The following SLC4A11 variants were observed in gnomAD, a reference collection of about 807,000 sequenced individuals.
SLC4A11 encodes solute carrier family 4 member 11.
In SLC4A11, 74 loss-of-function variants were observed where a neutral mutation model predicts 95.0. The ratio of observed to expected loss-of-function variants is 0.78; its 90% CI spans 0.65 to 0.95. The LOEUF (loss-of-function observed/expected upper bound fraction) is 0.95, where lower values mean the gene tolerates loss of function less well. Ranked by LOEUF, SLC4A11 falls within the 40% of genes least tolerant of loss-of-function variation. SLC4A11 has a pLI of 0.00. For synonymous variants in SLC4A11, 548 were observed against 519.0 expected (o/e 1.06, Z -0.76); for missense variants, 1,081 against 1,192.4 (o/e 0.91, Z 1.38).
chr20:3,229,200 G>T lies in SLC4A11; in HGVS notation c.1913C>A (p.Ser638Tyr). 4 of 1,612,710 alleles carry T rather than the reference G, an allele frequency of 2.5e-6. No homozygotes were observed. The highest frequency in any genetic ancestry group is 3.4e-6 in the Non-Finnish European group (4 of 1,180,014). Residue 638 changes from serine to tyrosine, a missense_variant, in exon 16 of 20, where the codon TCC becomes TAC. By Grantham distance (144) the Ser-to-Tyr change is moderately radical. Around this residue, in one of 3 missense-constraint regions of SLC4A11, gnomAD observed 767 missense variants for 858.0 expected, o/e 0.89. Transcript: ENST00000642402. The part of the protein sequence containing the change: ...PFAMAQIQSL[S>Y]LRAVSGAMGL... ...CATGGCACCGCTGACGGCCCTCAGG[G>T]ACAGCGACTGGATCTGCGCCATCGC...
chr20:3,238,315 GGAGGGGCCGCGTGCAC>G, intron 1 of SLC4A11: 3 of 1,240,684 alleles, frequency 2.4e-6, no homozygotes, highest in Non-Finnish European at 3.0e-6. Flanking sequence ...GGAAGCGACA[GGAGGGGCCGCGTGCAC>G]GAGAGGAAAG....
chr20:3,234,159 G>T lies in SLC4A11; in HGVS notation c.447C>A (p.Asn149Lys). ...GGTCCAGGTTGCAGTTGGGCTCATT[G>T]TTGTCAGGGTCCCTGGCGAAGCGGC... ...MLRRFARDPD[N>K]NEPNCNLDLL... Residue 149 changes from asparagine to lysine, a missense_variant, in exon 5 of 20, where the codon AAC (asparagine) becomes AAA (lysine). Physicochemically the swap from Asn to Lys is moderately conservative, Grantham distance 94 (BLOSUM62 0). Coordinates refer to ENST00000642402, the MANE Select transcript of SLC4A11 (RefSeq NM_001174089.2). The surrounding 1 kb of genome is among the most constrained non-coding windows in gnomAD (Gnocchi z 5.8). 1 of 1,614,152 alleles carries T rather than the reference G, an allele frequency of 6.2e-7. No individual in the cohort carries two copies. The highest frequency in any genetic ancestry group is 2.2e-5 in the East Asian group (1 of 44,876).
chr20:3,239,553 A>C, upstream of SLC4A11: 1 of 987,616 alleles, frequency 1.0e-6, no homozygotes, highest in Non-Finnish European at 1.2e-6. Flanking sequence ...CGACTGAGGC[A>C]GACCCCGGGA....
At position 3,231,801 on chromosome 20, in the gene SLC4A11, C is replaced by T. The variant is rs911954119; in HGVS notation, c.730-253G>A. Among the ~76,000 whole-genome samples the T allele has an allele frequency of 1.3e-5, 2 of 152,172 alleles. No individual in the cohort carries two copies. Among genetic ancestry groups the T allele is most frequent in the Non-Finnish European group, 2.9e-5 (2 of 68,030 alleles). On this transcript the variant is annotated intron_variant, in intron 7 of 19. Coordinates refer to ENST00000642402, the MANE Select transcript of SLC4A11 (RefSeq NM_001174089.2). This position sits in a 1 kb window ranked among gnomAD's most constrained non-coding sequence, Gnocchi z 5.2. Reference sequence around the variant, plus strand: ...CTGAGTAGCTGGGACCACAGGCACGCACCACCATGCCAGGCAATTTTTAAT... The same window carrying T: ...CTGAGTAGCTGGGACCACAGGCACGTACCACCATGCCAGGCAATTTTTAAT...
intron 12 of SLC4A11, 122 bp downstream of exon 12, chr20:3,230,393 G>T: frequency 6.3e-7 from 1 of 1,581,556 alleles, no homozygotes; most frequent in Non-Finnish European, 8.7e-7. Context: ...CCTTGCCTGA[G>T]CCCACCCCAG....
rs1302744793 is a variant in SLC4A11, at chr20:3,228,393, C to A, written c.2424G>T (p.Val808=). 4 of 1,613,216 alleles carry A rather than the reference C, an allele frequency of 2.5e-6. No individual in the cohort carries two copies. Among genetic ancestry groups the A allele is most frequent in the Non-Finnish European group, 3.4e-6 (4 of 1,179,996 alleles). Residue 808 remains valine (V), a synonymous_variant, in exon 19 of 20, where the codon GTG becomes GTT. Coordinates refer to ENST00000642402, the MANE Select transcript of SLC4A11 (RefSeq NM_001174089.2). The part of the protein sequence containing the change: ...AYPPTHYIRR[V]PQRKIHYFTG... ...TGAAGTAGTGGATCTTCCTCTGGGG[C>A]ACCCTCCGGATGTAGTGTGTCGGGG...
Position 3,234,682 on chromosome 20 carries a change from G to C in SLC4A11, c.241+60C>G, listed in dbSNP as rs374142240. 6.2e-7 allele frequency: 1 copy of C among 1,613,748 alleles called. No individual in the cohort carries two copies. Among genetic ancestry groups the C allele is most frequent in the Non-Finnish European group, 8.5e-7 (1 of 1,179,920 alleles). ...CTCCTCAGGTCTTTCTTAGTAAGGC[G>C]AGTCACACCTGCCCAGTCCCGTGCC... On this transcript the variant is annotated intron_variant, in intron 3 of 19. Transcript: ENST00000642402. This position sits in a 1 kb window ranked among gnomAD's most constrained non-coding sequence, Gnocchi z 5.8.
In SLC4A11 at chr20:3,231,177, G is replaced by A. The variant is rs2122553566; in HGVS notation, c.1014C>T (p.Phe338=). The A allele has an allele frequency of 6.2e-7, 1 of 1,614,160 alleles. No homozygotes were observed. ...CAGTGAAGTCCAAGGGGTACAAGGG[G>A]AACCTGCGTGCGATGTCCTCCCGGA... The part of the protein sequence containing the change: ...KGIREDIARR[F]PLYPLDFTDG... Residue 338 remains phenylalanine, a synonymous_variant, in exon 9 of 20, where the codon TTC becomes TTT. Coordinates refer to ENST00000642402, the MANE Select transcript of SLC4A11 (RefSeq NM_001174089.2). The surrounding 1 kb of genome is among the most constrained non-coding windows in gnomAD (Gnocchi z 5.2).
intron 1 of SLC4A11, 88 bp downstream of exon 1, chr20:3,239,007 A>C: frequency 1.4e-6 from 2 of 1,411,920 alleles, no homozygotes; most frequent in South Asian, 2.9e-5. Context: ...GGCAGACGGC[A>C]TCCGCGTTCT....
chr20:3,231,382 G>A lies in SLC4A11; in HGVS notation c.896C>T (p.Pro299Leu), dbSNP rs376126165. 43 of 1,614,056 alleles carry A rather than the reference G, an allele frequency of 2.7e-5. No individual in the cohort carries two copies. Among genetic ancestry groups the A allele is most frequent in the East Asian group, 1.8e-4 (8 of 44,868 alleles). The part of the protein sequence containing the change: ...LTMVSHGPVA[P>L]RTKERSTVSL... ...GACTGTGCTGCGTTCCTTCGTTCTCGGCGCCACTGGACCGTGGCTCACCAT... is the reference window on the plus strand; with the variant it reads ...GACTGTGCTGCGTTCCTTCGTTCTCAGCGCCACTGGACCGTGGCTCACCAT... Residue 299 changes from proline to leucine, a missense_variant, in exon 8 of 20, where the codon CCG becomes CTG. Pro to Leu is a moderately conservative substitution (Grantham distance 98). Transcript: ENST00000642402. This position sits in a 1 kb window ranked among gnomAD's most constrained non-coding sequence, Gnocchi z 5.2.
Position 3,234,239 on chromosome 20 carries a change from T to C in SLC4A11, c.367A>G (p.Ile123Val). The C allele has an allele frequency of 6.2e-7, 1 of 1,614,038 alleles. No individual in the cohort carries two copies. Among genetic ancestry groups the C allele is most frequent in the Non-Finnish European group, 8.5e-7 (1 of 1,179,990 alleles). ...GAGGTGGCCGTCTCGTTCAGGACGA[T>C]GCTGGCCTGCGCCAGGAAGCCATCT... ...DLDGFLAQAS[I>V]VLNETATSLD... The change falls in exon 5 of 20, where the codon ATC becomes GTC. Residue 123 changes from isoleucine to valine, a missense_variant. Around this residue, in one of 3 missense-constraint regions of SLC4A11, gnomAD observed 310 missense variants for 313.5 expected, o/e 0.99. Transcript: ENST00000642402. This position sits in a 1 kb window ranked among gnomAD's most constrained non-coding sequence, Gnocchi z 5.8.
rs1210002805 is a variant in SLC4A11, at chr20:3,230,824, C to T, written c.1190G>A (p.Gly397Glu). 1 of 1,613,228 alleles carries T rather than the reference C, an allele frequency of 6.2e-7. No homozygotes were observed. The highest frequency in any genetic ancestry group is 1.3e-5 in the African/African-American group (1 of 74,926). The change falls in exon 11 of 20, where the codon GGG becomes GAG. Residue 397 changes from glycine (G) to glutamate (E), a missense_variant. Physicochemically the swap from Gly to Glu is moderately conservative, Grantham distance 98. This residue lies in a region of SLC4A11 where 767 missense variants were observed against 858.0 expected (regional missense o/e 0.89). Transcript: ENST00000642402. ...GTAGAGCAGGCCCCCGATGCTCTGC[C>T]CGGCTATGGTCTTCTGCACGTCTGT... is the stretch of plus-strand genomic sequence containing the variant. ...GAIDVQKTIA[G>E]QSIGGLLYAL...
At position 3,230,625 on chromosome 20, in the gene SLC4A11, G is replaced by A; in HGVS notation, c.1305C>T (p.Asp435=). The change falls in exon 12 of 20, where the codon GAC becomes GAT. Residue 435 remains aspartate, a synonymous_variant. Transcript: ENST00000642402. The part of the protein sequence containing the change: ...YIQVIRVICD[D]YDLDFNSFYA... ...AGAAGGAGTTGAAGTCCAGGTCATA[G>A]TCATCACAGATGACACGAATCACTG... The A allele has an allele frequency of 6.2e-7, 1 of 1,613,794 alleles. No individual in the cohort carries two copies. Among genetic ancestry groups the A allele is most frequent in the Non-Finnish European group, 8.5e-7 (1 of 1,180,020 alleles).
chr20:3,228,277 A>C lies in SLC4A11; in HGVS notation c.2540T>G (p.Ile847Ser), dbSNP rs754970213. 1 of 1,612,622 alleles carries C rather than the reference A, an allele frequency of 6.2e-7. No homozygotes were observed. Among genetic ancestry groups the C allele is most frequent in the South Asian group, 1.1e-5 (1 of 91,050 alleles). The change falls in exon 19 of 20, where the codon ATC (isoleucine) becomes AGC (serine). Residue 847 changes from isoleucine to serine, a missense_variant. Ile to Ser is a moderately radical substitution (Grantham distance 142, BLOSUM62 -2). This residue lies in a region of SLC4A11 where 767 missense variants were observed against 858.0 expected (regional missense o/e 0.89). Coordinates refer to ENST00000642402, the MANE Select transcript of SLC4A11 (RefSeq NM_001174089.2). ...YMKMIFPLIMIAMIPIRYILL... is the reference protein window; with the variant it reads ...YMKMIFPLIMSAMIPIRYILL... ...CCTGTACCGGATGGGGATCATGGCG[A>C]TCATGATGAGGGGAAAGATCATCTT... is the stretch of plus-strand genomic sequence containing the variant.
rs2067728618 is a variant in SLC4A11 at position 3,230,654 on chromosome 20, G to A, written c.1283-7C>T. ...TCACAGATGACACGAATCACTGCAG[G>A]CAGGGGGCAGGGCGGGTCAGGGCCC... On this transcript the variant is annotated splice_polypyrimidine_tract_variant and splice_region_variant and intron_variant, in intron 11 of 19. Transcript: ENST00000642402. The A allele has an allele frequency of 6.2e-7, 1 of 1,613,208 alleles. No individual in the cohort carries two copies. The highest frequency in any genetic ancestry group is 8.5e-7 in the Non-Finnish European group (1 of 1,179,982).
rs751797453 is a variant in SLC4A11, at chr20:3,230,301, A to G, written c.1416-41T>C. Reference sequence around the variant, plus strand: ...GAGCCTCATCAGAGTGGGTGTGGTCAGGGGGCAGGTGGGGGAGGCCTCCCT... The same window carrying G: ...GAGCCTCATCAGAGTGGGTGTGGTCGGGGGGCAGGTGGGGGAGGCCTCCCT... On this transcript the variant is annotated intron_variant, in intron 12 of 19. Coordinates refer to ENST00000642402, the MANE Select transcript of SLC4A11 (RefSeq NM_001174089.2). 7 of 1,611,140 alleles carry G rather than the reference A, an allele frequency of 4.3e-6. No individual in the cohort carries two copies. In the African/African-American group the frequency reaches 9.3e-5, roughly 22 times the overall value.
intron 12 of SLC4A11, 49 bp from the exon 13 acceptor site, chr20:3,230,309 G>T: frequency 1.2e-6 from 2 of 1,605,742 alleles, no homozygotes; most frequent in Non-Finnish European, 1.7e-6. Flanking sequence ...TCAGGGGGCA[G>T]GTGGGGGAGG....
Position 3,236,884 on chromosome 20 carries a change from C to T in SLC4A11, c.88+660G>A, listed in dbSNP as rs574305909. Among the ~76,000 whole-genome samples the T allele has an allele frequency of 1.6e-3, 244 of 152,294 alleles. 1 individual carries two copies. The highest frequency in any genetic ancestry group is 5.6e-3 in the African/African-American group (233 of 41,574). ...CCTGCCCAGCTGACACTACCAGGTT[C>T]CTGGGGGGCTCCTGCAATGCCAAGT... is the stretch of plus-strand genomic sequence containing the variant. On this transcript the variant is annotated intron_variant, in intron 2 of 19. Coordinates refer to ENST00000642402, the MANE Select transcript of SLC4A11 (RefSeq NM_001174089.2).
intron 13 of SLC4A11, 76 bp downstream of exon 13, chr20:3,230,111 C>G: frequency 6.5e-7 from 1 of 1,539,586 alleles, no homozygotes; most frequent in East Asian, 2.2e-5. Context: ...CCTATGTGCC[C>G]CCAGCCAGGG....
Sources: gnomAD v4.1 joint callset for allele counts (sites outside exome capture counted in the v4.1 genomes callset) on GRCh38, gnomAD v4.1.1 for gene constraint, gnomAD v4.1.1 regional missense constraint, Gnocchi (gnomAD v3.1) non-coding constraint, MANE v1.5 for transcripts, NCBI Gene and HGNC (gene_info 2026-07-23, HGNC 2026-07-21) for gene names.